EPHB1: variants seen among roughly 807,000 people sequenced by gnomAD.
EPHB1 encodes EPH receptor B1.
Under a neutral mutation model 94.4 loss-of-function variants are expected in EPHB1, and 30 were observed. The observed-to-expected ratio is 0.32, with a 90% CI of 0.24 to 0.43. EPHB1 has a LOEUF of 0.43. Among genes scored for constraint, EPHB1 ranks in the 20% least tolerant of loss-of-function variants. EPHB1 has a pLI of 1.00. For synonymous variants in EPHB1, 522 were observed against 489.1 expected (o/e 1.07, Z -0.89); for missense variants, 1,055 against 1,308.3 (o/e 0.81, Z 2.99).
intron 1 of EPHB1, among the ~76,000 whole-genome samples, chr3:134,908,724 T>G: frequency 6.8e-6 from 1 of 147,950 alleles, no homozygotes; most frequent in African/African-American, 2.5e-5. Flanking sequence ...GGAGAAGGCG[T>G]GAGGAGGGAG....
chr3:135,094,827 T>G (rs1255035602), intron 3 of EPHB1, among the ~76,000 whole-genome samples: 1 of 152,190 alleles, frequency 6.6e-6, no homozygotes, highest in Non-Finnish European at 1.5e-5. Context: ...ATGCAGGTAA[T>G]GCTGCAGCTT....
chr3:134,854,697 C>G (rs1197449823), intron 1 of EPHB1, among the ~76,000 whole-genome samples: 4 of 152,134 alleles, frequency 2.6e-5, no homozygotes, highest in South Asian at 2.1e-4. Flanking sequence ...TTTTCCTCAT[C>G]CATTGACTGC....
chr3:135,200,201 T>A (rs912629538), intron 11 of EPHB1, among the ~76,000 whole-genome samples: 2 of 152,208 alleles, frequency 1.3e-5, no homozygotes, highest in Non-Finnish European at 2.9e-5. Context: ...TAGGGTCTAC[T>A]GATTTAACTG....
At chr3:134,990,376 C>T (rs1934753752) in intron 3 of EPHB1, among the ~76,000 whole-genome samples, 1 of 152,110 alleles carries the variant, frequency 6.6e-6, no homozygotes. Context: ...ATTATAAGCT[C>T]TCTGAATATC....
At chr3:135,005,493 G>A (rs990738715) in intron 3 of EPHB1, among the ~76,000 whole-genome samples, 6 of 152,200 alleles carry the variant, frequency 3.9e-5, no homozygotes, top group African/African-American at 1.2e-4. Flanking sequence ...CACCCAGTTA[G>A]AGCTTCCTGG....
At position 134,795,521 on chromosome 3, in the gene EPHB1, G is replaced by C; in HGVS notation, c.-111G>C. The C allele has an allele frequency of 9.4e-7, 1 of 1,060,746 alleles. No individual in the cohort carries two copies. The highest frequency in any genetic ancestry group is 1.4e-6 in the Non-Finnish European group (1 of 735,410). 65.7% of individuals were successfully genotyped at this position (1,060,746 alleles called of 1,614,324 possible). On this transcript the variant is annotated 5_prime_UTR_variant, in exon 1 of 16. Transcript: ENST00000398015. ...GGAAGTCCGGTCCGGGCGAGAGCGC[G>C]AAAGGATACCGAGAAGCCACCCGCG...
chr3:135,207,247 G>A (rs1366582998), intron 12 of EPHB1, among the ~76,000 whole-genome samples: 1 of 152,176 alleles, frequency 6.6e-6, no homozygotes, highest in African/African-American at 2.4e-5. Flanking sequence ...AGGCCTAAGA[G>A]TTCTCAGGAT....
intron 5 of EPHB1, among the ~76,000 whole-genome samples, chr3:135,134,719 G>C (rs1407930361): frequency 6.6e-6 from 1 of 152,178 alleles, no homozygotes; most frequent in Admixed American, 6.5e-5. Context: ...TTTGTTAGCA[G>C]TATTTCCCTT....
intron 2 of EPHB1, among the ~76,000 whole-genome samples, chr3:134,938,939 G>A (rs2039062799): frequency 6.6e-6 from 1 of 152,144 alleles, no homozygotes; most frequent in Admixed American, 6.5e-5. Context: ...GGATCCGCAT[G>A]ATTATGGGTT....
chr3:135,004,604 G>T (rs2107745082), intron 3 of EPHB1, among the ~76,000 whole-genome samples: 1 of 151,948 alleles, frequency 6.6e-6, no homozygotes, highest in East Asian at 1.9e-4. Context: ...ACCAATCAGA[G>T]GTAGATTTTG....
chr3:134,889,425 G>T (rs1397488858), intron 1 of EPHB1, among the ~76,000 whole-genome samples: 3 of 152,144 alleles, frequency 2.0e-5, no homozygotes, highest in Non-Finnish European at 4.4e-5. Flanking sequence ...TAAGGGAGAC[G>T]AGGTGAAGAC....
intron 3 of EPHB1, among the ~76,000 whole-genome samples, chr3:135,052,929 G>T (rs6803072): frequency 1.9e-5 from 2 of 107,748 alleles, no homozygotes; most frequent in South Asian, 6.2e-4. Flanking sequence ...GTGTGTGTGT[G>T]TGTATATATG....
At chr3:135,078,368 G>T (rs894688310) in intron 3 of EPHB1, among the ~76,000 whole-genome samples, 2 of 152,192 alleles carry the variant, frequency 1.3e-5, no homozygotes, top group Admixed American at 1.3e-4. Context: ...GAGGAACCAT[G>T]CTGGGCAGGG....
chr3:135,021,514 A>G (rs1408213985), intron 3 of EPHB1, among the ~76,000 whole-genome samples: 2 of 103,056 alleles, frequency 1.9e-5, no homozygotes, highest in Non-Finnish European at 3.9e-5. Context: ...CCCACCCCCC[A>G]CCGGTTTACT....
chr3:135,050,492 G>A (rs1343211535), intron 3 of EPHB1, among the ~76,000 whole-genome samples: 2 of 152,192 alleles, frequency 1.3e-5, no homozygotes, highest in Non-Finnish European at 2.9e-5. Context: ...TCCTCTTCGT[G>A]TGGGAAGGTG....
chr3:134,921,301 C>T (rs1193476717), intron 1 of EPHB1, among the ~76,000 whole-genome samples: 3 of 152,164 alleles, frequency 2.0e-5, no homozygotes, highest in Admixed American at 1.3e-4. Flanking sequence ...TCCATTCTTC[C>T]CTCCTCACCA....
At chr3:135,072,994 G>A (rs141601476) in intron 3 of EPHB1, among the ~76,000 whole-genome samples, 5 of 151,982 alleles carry the variant, frequency 3.3e-5, no homozygotes, top group Admixed American at 2.0e-4. Flanking sequence ...TACTTCATGC[G>A]TTTCAACCAA....
At chr3:134,957,446 G>A (rs1463138599) in intron 3 of EPHB1, among the ~76,000 whole-genome samples, 1 of 152,164 alleles carries the variant, frequency 6.6e-6, no homozygotes, top group Non-Finnish European at 1.5e-5. Flanking sequence ...GCAGGAGCAG[G>A]CTGGCAACTG....
chr3:135,102,478 ATT>A (rs1202253169), intron 3 of EPHB1, among the ~76,000 whole-genome samples: 1 of 152,220 alleles, frequency 6.6e-6, no homozygotes, highest in Non-Finnish European at 1.5e-5. Context: ...GTGAAAAAAT[ATT>A]GTTAACTTTT....
Sources: allele counts gnomAD v4.1 joint callset (sites outside exome capture counted in the v4.1 genomes callset), GRCh38; gene constraint gnomAD v4.1.1; transcripts MANE v1.5; gene names NCBI Gene and HGNC (gene_info 2026-07-23, HGNC 2026-07-21).